The following PRDM16 variants were observed in gnomAD, a reference collection of about 807,000 sequenced individuals.
The protein encoded by PRDM16 is histone-lysine N-methyltransferase PRDM16.
Under a neutral mutation model 110.6 loss-of-function variants are expected in PRDM16, and 23 were observed. The observed-to-expected ratio is 0.21, with a 90% confidence interval of 0.15 to 0.29. The LOEUF (loss-of-function observed/expected upper bound fraction) is 0.29, where lower values mean the gene tolerates loss of function less well. Ranked by LOEUF, PRDM16 falls within the 10% of genes least tolerant of loss-of-function variation. The pLI, the probability that PRDM16 is intolerant of heterozygous loss-of-function variation, is 1.00. For synonymous variants in PRDM16, 799 were observed against 781.8 expected (o/e 1.02, Z -0.37); for missense variants, 1,615 against 1,794.3 (o/e 0.90, Z 1.81).
At chr1:3,352,377 C>G (rs978895533) in intron 3 of PRDM16, among the ~76,000 whole-genome samples, 2 of 152,198 alleles carry the variant, frequency 1.3e-5, no homozygotes, top group African/African-American at 4.8e-5. Context: ...TTTCTCCCCC[C>G]AGATGCTCTC....
chr1:3,424,361 C>A (rs564518692), intron 12 of PRDM16, among the ~76,000 whole-genome samples: 1 of 152,376 alleles, frequency 6.6e-6, no homozygotes, highest in African/African-American at 2.4e-5. Context: ...TCACTCCCAG[C>A]CCAAGGGCCC....
chr1:3,364,071 G>A (rs896130423), intron 3 of PRDM16, among the ~76,000 whole-genome samples: 11 of 152,182 alleles, frequency 7.2e-5, no homozygotes, highest in African/African-American at 2.4e-4. Context: ...CTTGTTGCAC[G>A]TGGCCTCTGG....
At chr1:3,137,837 T>A (rs1569657490) in intron 1 of PRDM16, among the ~76,000 whole-genome samples, 1 of 152,102 alleles carries the variant, frequency 6.6e-6, no homozygotes, top group African/African-American at 2.4e-5. Context: ...TGTCCGGAGG[T>A]CCCTGACCTC....
At chr1:3,430,732 C>T in intron 14 of PRDM16, 140 bp from the exon 15 acceptor site, 3 of 1,006,806 alleles carry the variant, frequency 3.0e-6, no homozygotes, top group South Asian at 2.9e-5. Context: ...GGCCCAGGGA[C>T]CCGCGGGAGC....
intron 3 of PRDM16, among the ~76,000 whole-genome samples, chr1:3,381,758 C>G (rs1038726878): frequency 6.6e-6 from 1 of 152,160 alleles, no homozygotes; most frequent in Non-Finnish European, 1.5e-5. Context: ...GTCACTCACG[C>G]GTCATTTACC....
At chr1:3,320,570 T>G (rs1400858168) in intron 3 of PRDM16, among the ~76,000 whole-genome samples, 1 of 152,182 alleles carries the variant, frequency 6.6e-6, no homozygotes, top group Non-Finnish European at 1.5e-5. Flanking sequence ...AGTCTGCATC[T>G]GTCCCCCGGA....
In PRDM16 at chr1:3,361,286, A is replaced by G. The variant is rs910127387; in HGVS notation, c.439-23866A>G. On this transcript the variant is annotated intron_variant, in intron 3 of 16. Coordinates refer to ENST00000270722, the MANE Select transcript of PRDM16 (RefSeq NM_022114.4). The stretch of plus-strand genomic sequence containing the variant: ...GGCTTCAGCTGCACGCCAGCCCCCA[A>G]CAGGGCTGGAGACGGGGTCTCTGGG... 2.0e-5 allele frequency among the ~76,000 whole-genome samples: 3 copies of G among 152,218 alleles called. No individual in the cohort carries two copies. In the East Asian group the frequency reaches 5.8e-4, roughly 29 times the overall value.
chr1:3,113,727 T>C (rs1269878033), intron 1 of PRDM16, among the ~76,000 whole-genome samples: 2 of 152,238 alleles, frequency 1.3e-5, no homozygotes, highest in Non-Finnish European at 2.9e-5. Context: ...TCCCCAGACA[T>C]GGCCGCGTGC....
chr1:3,238,507 T>G (rs1390696497), intron 2 of PRDM16, among the ~76,000 whole-genome samples: 1 of 152,196 alleles, frequency 6.6e-6, no homozygotes, highest in African/African-American at 2.4e-5. Context: ...GCCAAGCTGA[T>G]TTTTTTAATG....
chr1:3,278,597 C>T (rs982313199), intron 3 of PRDM16, among the ~76,000 whole-genome samples: 36 of 152,322 alleles, frequency 2.4e-4, no homozygotes, highest in Non-Finnish European at 4.7e-4. Context: ...CAGCCGCACC[C>T]GGCACCCTGC....
chr1:3,161,584 C>T (rs1051124679), intron 1 of PRDM16, among the ~76,000 whole-genome samples: 3 of 152,330 alleles, frequency 2.0e-5, no homozygotes, highest in South Asian at 2.1e-4. Flanking sequence ...GCTGGCTGCC[C>T]GCTGGACCAG....
At chr1:3,093,539 G>A (rs1375699910) in intron 1 of PRDM16, among the ~76,000 whole-genome samples, 8 of 152,044 alleles carry the variant, frequency 5.3e-5, no homozygotes, top group South Asian at 2.1e-4. Context: ...GCCTCTGGGC[G>A]CCCTGGGACC....
intron 3 of PRDM16, among the ~76,000 whole-genome samples, chr1:3,337,946 A>C (rs1470077115): frequency 6.6e-6 from 1 of 152,112 alleles, no homozygotes; most frequent in Non-Finnish European, 1.5e-5. Flanking sequence ...ATGTACACAC[A>C]TATGCCCACA....
At chr1:3,109,083 A>AAATAATAT (rs1424596060) in intron 1 of PRDM16, among the ~76,000 whole-genome samples, 1 of 145,370 alleles carries the variant, frequency 6.9e-6, no homozygotes, top group Non-Finnish European at 1.5e-5. Flanking sequence ...CTCCATCTCA[A>AAATAATAT]AATAATAATA....
chr1:3,115,742 A>G (rs867427548), intron 1 of PRDM16, among the ~76,000 whole-genome samples: 23 of 152,332 alleles, frequency 1.5e-4, no homozygotes, highest in Admixed American at 9.1e-4. Flanking sequence ...TCCACACGGC[A>G]TCTCCTATGG....
At position 3,431,988 on chromosome 1, in the gene PRDM16, G is replaced by T; in HGVS notation, c.3544G>T (p.Gly1182Cys). ...CAGGTGTGCTGAGGACCACGAAGGC[G>T]GTCTGTTAGCTTTGGAGCCGATGCC... ...TRRCAEDHEG[G>C]LLALEPMPTF... Residue 1182 changes from glycine (G) to cysteine (C), a missense_variant, in exon 16 of 17, where the codon GGT becomes TGT. Transcript: ENST00000270722. 1 of 1,613,736 alleles carries T rather than the reference G, an allele frequency of 6.2e-7. No individual in the cohort carries two copies. Among genetic ancestry groups the T allele is most frequent in the Non-Finnish European group, 8.5e-7 (1 of 1,180,004 alleles).
intron 1 of PRDM16, among the ~76,000 whole-genome samples, chr1:3,111,116 G>A (rs1186592490): frequency 6.6e-6 from 1 of 152,114 alleles, no homozygotes; most frequent in Non-Finnish European, 1.5e-5. Flanking sequence ...ACGTGCAGGG[G>A]CCCAGGGATT....
intron 12 of PRDM16, among the ~76,000 whole-genome samples, chr1:3,419,206 T>A (rs1409180285): frequency 6.6e-6 from 1 of 152,060 alleles, no homozygotes; most frequent in East Asian, 1.9e-4. Context: ...AGAGTGAGAC[T>A]CCGTGCAAAT....
At chr1:3,261,857 G>C (rs1232255156) in intron 3 of PRDM16, among the ~76,000 whole-genome samples, 2 of 152,202 alleles carry the variant, frequency 1.3e-5, no homozygotes, top group African/African-American at 2.4e-5. Flanking sequence ...TTGACAGGTT[G>C]TCTGGCCTGC....
Sources: gnomAD v4.1 joint callset for allele counts (sites outside exome capture counted in the v4.1 genomes callset) on GRCh38, gnomAD v4.1.1 for gene constraint, MANE v1.5 for transcripts, NCBI Gene and HGNC (gene_info 2026-07-23, HGNC 2026-07-21) for gene names.